The following FOXM1 variants were observed in gnomAD, a reference collection of about 807,000 sequenced individuals.
The protein encoded by FOXM1 is forkhead box M1, also known as forkhead box protein M1.
Under a neutral mutation model 63.6 loss-of-function variants are expected in FOXM1, and 25 were observed. The ratio of observed to expected loss-of-function variants is 0.39; its 90% CI spans 0.29 to 0.55. The LOEUF (loss-of-function observed/expected upper bound fraction) is 0.55, where lower values mean the gene tolerates loss of function less well. Ranked by LOEUF, FOXM1 falls within the 20% of genes least tolerant of loss-of-function variation. The pLI is 0.60. For missense variants in FOXM1, 879 were observed against 958.7 expected (o/e 0.92, Z 1.10); for synonymous variants, 387 against 376.9 (o/e 1.03, Z -0.31).
intron 8 of FOXM1, among the ~76,000 whole-genome samples, chr12:2,862,707 A>ATTTTT (rs113254945): frequency 7.0e-6 from 1 of 143,350 alleles, no homozygotes; most frequent in Non-Finnish European, 1.6e-5. Flanking sequence ...ATTAAAAAAA[A>ATTTTT]ATTTTTTTTT....
chr12:2,866,503 GGTT>G lies in FOXM1; in HGVS notation c.862_864del (p.Asn288del). On this transcript the variant is annotated inframe_deletion, in exon 5 of 9. Coordinates refer to ENST00000359843, the MANE Select transcript of FOXM1 (RefSeq NM_021953.4). Reference sequence around the variant, plus strand: ...CGGACAAACATGTCGTGCAGGGAAAGGTTGTGGCGGATGGAGTTCTGGAAGAAG... The same window carrying G: ...CGGACAAACATGTCGTGCAGGGAAAGGTGGCGGATGGAGTTCTGGAAGAAG... The G allele has an allele frequency of 6.4e-7, 1 of 1,552,758 alleles. No individual in the cohort carries two copies. Among genetic ancestry groups the G allele is most frequent in the South Asian group, 1.2e-5 (1 of 81,816 alleles).
Position 2,864,741 on chromosome 12 carries a change from T to C in FOXM1, c.1032A>G (p.Arg344=). ...TGTTCCGGCGGAGCTCTGGATTCGG[T>C]CGTTTCTGCTGCTGCTTGTGGCAGA... The part of the protein sequence containing the change: ...LPEHLESQQK[R]PNPELRRNMT... The change falls in exon 7 of 9, where the codon CGA becomes CGG. Residue 344 remains arginine, a synonymous_variant. Coordinates refer to ENST00000359843, the MANE Select transcript of FOXM1 (RefSeq NM_021953.4). This position sits in a 1 kb window ranked among gnomAD's most constrained non-coding sequence, Gnocchi z 5.1. The C allele has an allele frequency of 6.2e-7, 1 of 1,614,162 alleles. No homozygotes were observed. The highest frequency in any genetic ancestry group is 8.5e-7 in the Non-Finnish European group (1 of 1,180,028).
Position 2,874,636 on chromosome 12 carries a change from C to T in FOXM1, c.-47-111G>A. 2 of 719,996 alleles carry T rather than the reference C, an allele frequency of 2.8e-6. No individual in the cohort carries two copies. Among genetic ancestry groups the T allele is most frequent in the Admixed American group, 5.4e-5 (2 of 36,984 alleles). The allele number at this position is 719,996 out of a possible 1,614,324, so 44.6% of individuals were successfully genotyped here. ...GACCAGGAACATGAGCCTAAAGGCCCAGGTAAACATTCCATGGACTTTTGT... is the reference window on the plus strand; with the variant it reads ...GACCAGGAACATGAGCCTAAAGGCCTAGGTAAACATTCCATGGACTTTTGT... On this transcript the variant is annotated intron_variant, in intron 1 of 8. Transcript: ENST00000359843. The surrounding 1 kb of genome is among the most constrained non-coding windows in gnomAD (Gnocchi z 4.3).
chr12:2,874,470 A>C lies in FOXM1; in HGVS notation c.9T>G (p.Thr3=). Residue 3 remains threonine (T), a synonymous_variant, in exon 2 of 9, where the codon ACT becomes ACG. Transcript: ENST00000359843. This position sits in a 1 kb window ranked among gnomAD's most constrained non-coding sequence, Gnocchi z 4.3. MK[T]SPRRPLILKR... ...TGAGAATCAGTGGCCGACGGGGGCT[A>C]GTTTTCATTATGAATCTGCGTTTTC... The C allele has an allele frequency of 6.2e-7, 1 of 1,606,230 alleles. No individual in the cohort carries two copies. The highest frequency in any genetic ancestry group is 8.5e-7 in the Non-Finnish European group (1 of 1,176,906).
intron 6 of FOXM1, 27 bp downstream of exon 6, chr12:2,865,327 GC>G (rs758134938): frequency 1.9e-6 from 3 of 1,595,992 alleles, no homozygotes; most frequent in African/African-American, 2.7e-5. Flanking sequence ...ACAAGGCCAA[GC>G]CCCGAGCCAG....
At chr12:2,865,066 C>T (rs2098120676) in intron 6 of FOXM1, 3 of 580,586 alleles carry the variant, frequency 5.2e-6, no homozygotes, top group South Asian at 2.1e-5. Context: ...CAAAAGTGAG[C>T]GAACGAACTG....
intron 2 of FOXM1, among the ~76,000 whole-genome samples, chr12:2,873,302 G>A (rs1300012229): frequency 1.3e-5 from 2 of 150,994 alleles, no homozygotes; most frequent in African/African-American, 2.4e-5. Flanking sequence ...AGAAGGCTGA[G>A]GCAGGAGAAT....
chr12:2,875,927 A>ATT (rs61158737), intron 1 of FOXM1, among the ~76,000 whole-genome samples: 4 of 141,518 alleles, frequency 2.8e-5, no homozygotes, highest in Non-Finnish European at 6.2e-5. Context: ...TGCCCAGCTA[A>ATT]TTTTTTTTTT....
At chr12:2,869,833 C>G (rs367959829) in intron 3 of FOXM1, among the ~76,000 whole-genome samples, 32 of 151,924 alleles carry the variant, frequency 2.1e-4, no homozygotes, top group African/African-American at 6.8e-4. Context: ...GCAATCTGCC[C>G]ACCTTGGCCT....
At chr12:2,873,589 T>TTTA (rs989429126) in intron 2 of FOXM1, among the ~76,000 whole-genome samples, 6 of 146,404 alleles carry the variant, frequency 4.1e-5, no homozygotes, top group African/African-American at 1.6e-4. Context: ...CATTTTTATT[T>TTTA]TTTTTTTTGA....
rs2098119652 is a variant in FOXM1 at position 2,864,526 on chromosome 12, G to A, written c.1091-31C>T. 1 of 1,602,826 alleles carries A rather than the reference G, an allele frequency of 6.2e-7. No individual in the cohort carries two copies. Among genetic ancestry groups the A allele is most frequent in the Non-Finnish European group, 8.5e-7 (1 of 1,171,574 alleles). ...AGGAAACACGAGAGATCAGGAGCAGGGGGACTGGAGTACACCCCTTCTCAG... is the reference window on the plus strand; with the variant it reads ...AGGAAACACGAGAGATCAGGAGCAGAGGGACTGGAGTACACCCCTTCTCAG... On this transcript the variant is annotated intron_variant, in intron 7 of 8. Coordinates refer to ENST00000359843, the MANE Select transcript of FOXM1 (RefSeq NM_021953.4). This position sits in a 1 kb window ranked among gnomAD's most constrained non-coding sequence, Gnocchi z 5.1.
intron 3 of FOXM1, among the ~76,000 whole-genome samples, chr12:2,870,686 C>T (rs1422994455): frequency 7.0e-6 from 1 of 143,052 alleles, no homozygotes; most frequent in Non-Finnish European, 1.5e-5. Flanking sequence ...AGAGGCCGGG[C>T]GCAGTGGCTC....
rs1183895222 is a variant in FOXM1, at chr12:2,859,410, T to G, written c.1520A>C (p.Gln507Pro). Residue 507 changes from glutamine (Q) to proline (P), a missense_variant, in exon 9 of 9, where the codon CAA becomes CCA. Physicochemically the swap from Gln to Pro is moderately conservative, Grantham distance 76 (BLOSUM62 -1). Coordinates refer to ENST00000359843, the MANE Select transcript of FOXM1 (RefSeq NM_021953.4). Reference protein sequence around the residue: ...ESSHSWEDSSQSPTPRPKKSY... With the variant: ...ESSHSWEDSSPSPTPRPKKSY... ...CTTCTTGGGTCTTGGGGTGGGAGAT[T>G]GGGACGAATCCTCCCAGGAGTGAGA... 1 of 1,613,928 alleles carries G rather than the reference T, an allele frequency of 6.2e-7. No individual in the cohort carries two copies. The highest frequency in any genetic ancestry group is 2.2e-5 in the East Asian group (1 of 44,862).
chr12:2,872,397 G>A lies in FOXM1; in HGVS notation c.503-150C>T. 2 of 710,732 alleles carry A rather than the reference G, an allele frequency of 2.8e-6. No homozygotes were observed. The highest frequency in any genetic ancestry group is 1.8e-5 in the South Asian group (1 of 55,716). 44.0% of individuals were successfully genotyped at this position (710,732 alleles called of 1,614,324 possible). A position where few individuals can be genotyped will look rare whatever the true frequency, so the allele number is the denominator to read the frequency against. Reference sequence around the variant, plus strand: ...GGGCGAGGCGGGTGGATCTCCTGAGGTCAGGAGTTCAAGACCAGCCTGGCC... The same window carrying A: ...GGGCGAGGCGGGTGGATCTCCTGAGATCAGGAGTTCAAGACCAGCCTGGCC... On this transcript the variant is annotated intron_variant, in intron 2 of 8. Coordinates refer to ENST00000359843, the MANE Select transcript of FOXM1 (RefSeq NM_021953.4). This position sits in a 1 kb window ranked among gnomAD's most constrained non-coding sequence, Gnocchi z 4.0.
At chr12:2,873,398 C>CAAAAA (rs1189846694) in intron 2 of FOXM1, among the ~76,000 whole-genome samples, 2 of 57,968 alleles carry the variant, frequency 3.5e-5, no homozygotes, top group African/African-American at 9.9e-5. Flanking sequence ...GACTCCATCT[C>CAAAAA]AAAAAAAAAA....
chr12:2,865,940 A>G (rs1170425771), intron 5 of FOXM1, among the ~76,000 whole-genome samples: 1 of 152,162 alleles, frequency 6.6e-6, no homozygotes, highest in African/African-American at 2.4e-5. Context: ...GACGTGAGCC[A>G]CCACACCCAG....
At chr12:2,861,623 A>G (rs548082463) in intron 8 of FOXM1, among the ~76,000 whole-genome samples, 1 of 152,274 alleles carries the variant, frequency 6.6e-6, no homozygotes, top group East Asian at 1.9e-4. Flanking sequence ...TAGAATTTAA[A>G]ATACCTTCTC....
chr12:2,860,864 C>CAAAA (rs57306758), intron 8 of FOXM1, among the ~76,000 whole-genome samples: 1,588 of 110,396 alleles, frequency 0.014, 46 homozygotes, highest in African/African-American at 0.05. Context: ...GACTCCATCT[C>CAAAA]AAAAAAAAAA....
intron 2 of FOXM1, among the ~76,000 whole-genome samples, chr12:2,873,262 G>C (rs2153940497): frequency 6.6e-6 from 1 of 151,958 alleles, no homozygotes; most frequent in South Asian, 2.1e-4. Flanking sequence ...AGCCAGGTGT[G>C]GTGGCGGGTG....
Sources: gnomAD v4.1 joint callset for allele counts (sites outside exome capture counted in the v4.1 genomes callset) on GRCh38, gnomAD v4.1.1 for gene constraint, Gnocchi (gnomAD v3.1) non-coding constraint, MANE v1.5 for transcripts, NCBI Gene and HGNC (gene_info 2026-07-23, HGNC 2026-07-21) for gene names.